Variants in ROBO2 observed in about 807,000 individuals in gnomAD.
ROBO2 encodes roundabout homolog 2.
A neutral mutation model predicts 160.8 loss-of-function variants in ROBO2; 53 were observed. That is an observed-to-expected ratio of 0.33 (90% confidence interval 0.26 to 0.41). The LOEUF (loss-of-function observed/expected upper bound fraction) is 0.41. ROBO2 is among the 10% of genes least tolerant of loss of function. The probability of loss-of-function intolerance (pLI) is 1.00; values close to 1 mark genes in which losing one functional copy is unlikely to be tolerated. For synonymous variants in ROBO2, 664 were observed against 611.7 expected (o/e 1.09, Z -1.26); for missense variants, 1,577 against 1,722.4 (o/e 0.92, Z 1.49).
chr3:77,121,988 A>G (rs993043189), intron 2 of ROBO2, among the ~76,000 whole-genome samples: 1 of 152,146 alleles, frequency 6.6e-6, no homozygotes, highest in Non-Finnish European at 1.5e-5. Context: ...AAAGCCTAAC[A>G]GCTAGCCAGA....
At chr3:77,608,051 T>C (rs1343988948) in intron 21 of ROBO2, 97 bp downstream of exon 22, 14 of 1,171,724 alleles carry the variant, frequency 1.2e-5, no homozygotes, top group Non-Finnish European at 1.5e-5. Flanking sequence ...ACTGTTTCCT[T>C]TGCCCCCCAC....
At chr3:76,815,007 T>C (rs892182893) in intron 2 of ROBO2, among the ~76,000 whole-genome samples, 8 of 152,024 alleles carry the variant, frequency 5.3e-5, no homozygotes. Context: ...TCAGTTATGA[T>C]GTTGAAACAT....
At chr3:76,526,544 C>A (rs2081956287) in intron 2 of ROBO2, among the ~76,000 whole-genome samples, 1 of 151,988 alleles carries the variant, frequency 6.6e-6, no homozygotes, top group South Asian at 2.1e-4. Flanking sequence ...ATCCTAATGT[C>A]ATTGGCTCTT....
chr3:76,716,494 G>A (rs1361970230), intron 2 of ROBO2, among the ~76,000 whole-genome samples: 2 of 152,134 alleles, frequency 1.3e-5, no homozygotes, highest in Non-Finnish European at 2.9e-5. Context: ...TTATTTAAAA[G>A]AATATGCTGC....
rs141317728 is a variant in ROBO2, at chr3:77,337,645, G to C, written c.389-139769G>C. Among the ~76,000 whole-genome samples, 510 of 152,046 alleles carry C rather than the reference G, an allele frequency of 3.4e-3. 5 individuals are homozygous for C. Among genetic ancestry groups the C allele is most frequent in the African/African-American group, 0.012 (496 of 41,480 alleles). On this transcript the variant is annotated intron_variant, in intron 2 of 25. Coordinates refer to ENST00000461745, the Ensembl canonical transcript of ROBO2. ...AGTTAACTCGCAAATTGCATATCTTGCTCAAAAATAAGCTATTTCTTTAGG... is the reference window on the plus strand; with the variant it reads ...AGTTAACTCGCAAATTGCATATCTTCCTCAAAAATAAGCTATTTCTTTAGG...
At chr3:76,839,788 A>G (rs1206385387) in intron 2 of ROBO2, among the ~76,000 whole-genome samples, 2 of 152,180 alleles carry the variant, frequency 1.3e-5, no homozygotes, top group African/African-American at 2.4e-5. Context: ...AGTGGAGCCA[A>G]TGGGTCTTGT....
At chr3:76,449,870 T>C (rs773687904) in intron 2 of ROBO2, among the ~76,000 whole-genome samples, 3 of 152,074 alleles carry the variant, frequency 2.0e-5, no homozygotes, top group African/African-American at 4.8e-5. Context: ...ATTTACAACA[T>C]AGTAAATATT....
At chr3:77,294,727 G>C (rs2061827656) in intron 2 of ROBO2, among the ~76,000 whole-genome samples, 1 of 146,748 alleles carries the variant, frequency 6.8e-6, no homozygotes. Flanking sequence ...AAGTAAAATT[G>C]ATGGTTAAAC....
intron 2 of ROBO2, among the ~76,000 whole-genome samples, chr3:76,333,663 C>T (rs929098531): frequency 2.0e-5 from 3 of 152,264 alleles, no homozygotes; most frequent in Middle Eastern, 6.8e-3. Context: ...AAAAGGAATT[C>T]TTCTCCACTA....
intron 5 of ROBO2, among the ~76,000 whole-genome samples, chr3:77,511,156 A>G (rs897943140): frequency 2.0e-5 from 3 of 152,022 alleles, no homozygotes; most frequent in Non-Finnish European, 4.4e-5. Flanking sequence ...GGCGATGAAC[A>G]AAAACAACGA....
At chr3:77,285,856 A>G (rs1045510057) in intron 2 of ROBO2, among the ~76,000 whole-genome samples, 1 of 152,220 alleles carries the variant, frequency 6.6e-6, no homozygotes, top group Non-Finnish European at 1.5e-5. Flanking sequence ...AAGAAAATAT[A>G]GTTTAGAAAA....
chr3:76,601,730 T>A (rs1360522104), intron 2 of ROBO2, among the ~76,000 whole-genome samples: 1 of 152,218 alleles, frequency 6.6e-6, no homozygotes, highest in Non-Finnish European at 1.5e-5. Context: ...ACCTCTGCCA[T>A]GCCCTGGAGC....
At chr3:76,015,534 A>G (rs1323461402) in intron 2 of ROBO2, among the ~76,000 whole-genome samples, 1 of 152,194 alleles carries the variant, frequency 6.6e-6, no homozygotes, top group Non-Finnish European at 1.5e-5. Flanking sequence ...GCCATCAACA[A>G]CTTATATTAA....
chr3:77,252,319 T>C (rs1429540139), intron 2 of ROBO2, among the ~76,000 whole-genome samples: 2 of 152,148 alleles, frequency 1.3e-5, no homozygotes, highest in African/African-American at 4.8e-5. Flanking sequence ...ACCACTTAAG[T>C]AATCCCTTAC....
intron 2 of ROBO2, among the ~76,000 whole-genome samples, chr3:77,251,750 T>C (rs1487017457): frequency 6.6e-6 from 1 of 152,138 alleles, no homozygotes; most frequent in Non-Finnish European, 1.5e-5. Flanking sequence ...TCACGAGATC[T>C]GATGGTTTTA....
chr3:76,973,676 C>A (rs907345527), intron 2 of ROBO2, among the ~76,000 whole-genome samples: 5 of 152,068 alleles, frequency 3.3e-5, no homozygotes, highest in Non-Finnish European at 7.4e-5. Flanking sequence ...ATGACTTTTT[C>A]TGAACGTTAG....
intron 2 of ROBO2, among the ~76,000 whole-genome samples, chr3:76,225,166 G>A (rs1704205685): frequency 6.6e-6 from 1 of 151,764 alleles, no homozygotes. Context: ...ACTCACTGAG[G>A]GTCTATAACA....
chr3:76,498,683 C>CT (rs71101892), intron 2 of ROBO2, among the ~76,000 whole-genome samples: 51,548 of 130,698 alleles, frequency 0.39, 11,110 homozygotes, highest in Non-Finnish European at 0.47. Context: ...AGTTTGTCTG[C>CT]TTTTTTTTTT....
intron 2 of ROBO2, among the ~76,000 whole-genome samples, chr3:76,451,091 G>A (rs1282752807): frequency 6.6e-6 from 1 of 152,052 alleles, no homozygotes; most frequent in Non-Finnish European, 1.5e-5. Flanking sequence ...AGGATGAAAT[G>A]CTAGGGAAGT....
Sources: gnomAD v4.1 joint callset for allele counts (sites outside exome capture counted in the v4.1 genomes callset) on GRCh38, gnomAD v4.1.1 for gene constraint, MANE v1.5 for transcripts, NCBI Gene and HGNC (gene_info 2026-07-23, HGNC 2026-07-21) for gene names.